The following FBLN2 variants were observed in gnomAD, a reference collection of about 807,000 sequenced individuals.
FBLN2 encodes the protein fibulin-2.
Under a neutral mutation model 123.7 loss-of-function variants are expected in FBLN2, and 81 were observed. The ratio of observed to expected loss-of-function variants is 0.65; its 90% confidence interval spans 0.55 to 0.79. FBLN2 has a LOEUF of 0.79. FBLN2 is among the 30% of genes least tolerant of loss of function. The probability of loss-of-function intolerance (pLI) is 0.00; values close to 1 mark genes in which losing one functional copy is unlikely to be tolerated. For synonymous variants in FBLN2, 699 were observed against 701.4 expected (o/e 1.00, Z 0.05); for missense variants, 1,603 against 1,681.3 (o/e 0.95, Z 0.81).
At chr3:13,555,855 G>A (rs9681242) in intron 1 of FBLN2, among the ~76,000 whole-genome samples, 125,914 of 152,234 alleles carry the variant, frequency 0.83, 52,316 homozygotes, top group East Asian at 1. Context: ...GGTTCAGAGG[G>A]ATTCGCGGGG....
At chr3:13,614,300 G>A (rs1213727680) in intron 5 of FBLN2, 136 bp downstream of exon 5, 11 of 878,414 alleles carry the variant, frequency 1.3e-5, no homozygotes, top group South Asian at 1.1e-4. Context: ...TCTGAGGATG[G>A]TGATTTCATT....
chr3:13,572,416 C>T (rs528967870), intron 2 of FBLN2, among the ~76,000 whole-genome samples: 6 of 152,316 alleles, frequency 3.9e-5, no homozygotes, highest in South Asian at 2.1e-4. Context: ...AACTGGGGCT[C>T]GAGGGTGGTG....
intron 2 of FBLN2, among the ~76,000 whole-genome samples, chr3:13,604,973 C>T (rs894196427): frequency 6.6e-6 from 1 of 152,206 alleles, no homozygotes; most frequent in Non-Finnish European, 1.5e-5. Context: ...CTGCTCAGGA[C>T]ATTTAGAGGG....
At chr3:13,583,369 T>C (rs1704398183) in intron 2 of FBLN2, among the ~76,000 whole-genome samples, 1 of 152,266 alleles carries the variant, frequency 6.6e-6, no homozygotes, top group Admixed American at 6.5e-5. Flanking sequence ...TTAAGTGAAT[T>C]GTCCATGGTT....
chr3:13,609,333 A>G (rs1705311044), intron 3 of FBLN2, among the ~76,000 whole-genome samples, 180 bp from the exon 4 acceptor site: 1 of 152,184 alleles, frequency 6.6e-6, no homozygotes, highest in Non-Finnish European at 1.5e-5. Flanking sequence ...CTGCATCTGC[A>G]TGGTTAAGCC....
chr3:13,559,842 T>C (rs1177003974), intron 1 of FBLN2, among the ~76,000 whole-genome samples: 1 of 152,180 alleles, frequency 6.6e-6, no homozygotes, highest in African/African-American at 2.4e-5. Flanking sequence ...AGGATCTCGG[T>C]CCAGGAGCAG....
In FBLN2 at chr3:13,637,565, G is replaced by A. The variant is rs1217712237; in HGVS notation, c.3342G>A (p.Lys1114=). ...ACCCGGCCTATCCTCCCTGCAGGAA[G>A]TGCGAGCGCACCACGTGCCATGACT... ...PPNYVQVSKT[K]CERTTCHDFL... is the part of the protein sequence containing the mutation. Residue 1114 remains lysine, a synonymous_variant, in exon 18 of 18, where the codon AAG becomes AAA. Transcript: ENST00000404922. 6.2e-7 allele frequency: 1 copy of A among 1,602,646 alleles called. No individual in the cohort carries two copies. Among genetic ancestry groups the A allele is most frequent in the Admixed American group, 1.7e-5 (1 of 59,450 alleles).
chr3:13,558,373 C>G (rs999051621), intron 1 of FBLN2, among the ~76,000 whole-genome samples: 2 of 151,972 alleles, frequency 1.3e-5, no homozygotes, highest in Non-Finnish European at 2.9e-5. Context: ...TGGCACCACT[C>G]CCCCCACCCC....
rs1012051872 is a variant in FBLN2 at position 13,629,955 on chromosome 3, C to T, written c.2968+10C>T. On this transcript the variant is annotated intron_variant, in intron 14 of 17. Transcript: ENST00000404922. ...GGCAAGCGCTGTGAAGGTAGGCTGG[C>T]CCTCATCTCTGACCCTATGCCGCCT... 2 of 1,609,836 alleles carry T rather than the reference C, an allele frequency of 1.2e-6. No homozygotes were observed. The highest frequency in any genetic ancestry group is 1.7e-6 in the Non-Finnish European group (2 of 1,178,924).
At chr3:13,599,168 G>T (rs1704943070) in intron 2 of FBLN2, among the ~76,000 whole-genome samples, 1 of 152,208 alleles carries the variant, frequency 6.6e-6, no homozygotes, top group African/African-American at 2.4e-5. Context: ...GATGTGGAAG[G>T]CCAGGGCATT....
Position 13,634,475 on chromosome 3 carries a change from C to T in FBLN2, c.3215-1970C>T, listed in dbSNP as rs3773251. On this transcript the variant is annotated intron_variant, in intron 16 of 17. Coordinates refer to ENST00000404922, the MANE Select transcript of FBLN2 (RefSeq NM_001004019.2). ...ATCTCCATCAGCAGCAGCCCAGAGC[C>T]AAAGCAAAAAGCTCCCACGTCCTTC... 7.2e-4 allele frequency among the ~76,000 whole-genome samples: 110 copies of T among 152,356 alleles called. 1 individual carries two copies. In the East Asian group the frequency reaches 0.017, roughly 24 times the overall value.
In FBLN2 at chr3:13,627,907, A is replaced by G; in HGVS notation, c.2507A>G (p.Tyr836Cys). The G allele has an allele frequency of 2.5e-6, 4 of 1,613,812 alleles. No individual in the cohort carries two copies. The highest frequency in any genetic ancestry group is 3.4e-6 in the Non-Finnish European group (4 of 1,179,840). The change falls in exon 11 of 18, where the codon TAC becomes TGC. Residue 836 changes from tyrosine to cysteine, a missense_variant. Coordinates refer to ENST00000404922, the MANE Select transcript of FBLN2 (RefSeq NM_001004019.2). ...FLCQNTKGSF[Y>C]CQARQRCMDG... ...TGCCAGAACACCAAGGGCTCCTTCT[A>G]CTGCCAGGCCAGGCAGCGCTGCATG...
At position 13,627,942 on chromosome 3, in the gene FBLN2, C is replaced by T. The variant is rs1199781065; in HGVS notation, c.2542C>T (p.Leu848=). 1 of 1,613,672 alleles carries T rather than the reference C, an allele frequency of 6.2e-7. No homozygotes were observed. The change falls in exon 11 of 18, where the codon CTG becomes TTG. Residue 848 remains leucine (L), a synonymous_variant. Transcript: ENST00000404922. ...QARQRCMDGF[L]QDPEGNCVDI... is the part of the protein sequence containing the mutation. ...CAGGCAGCGCTGCATGGATGGCTTC[C>T]TGCAGGATCCTGAAGGCAACTGTGT...
intron 1 of FBLN2, among the ~76,000 whole-genome samples, chr3:13,563,583 A>G (rs891870623): frequency 1.3e-5 from 2 of 152,024 alleles, no homozygotes; most frequent in African/African-American, 4.8e-5. Context: ...CTCTCCCCCG[A>G]CAGACCATGC....
At chr3:13,588,108 C>T (rs1011911649) in intron 2 of FBLN2, among the ~76,000 whole-genome samples, 2 of 152,232 alleles carry the variant, frequency 1.3e-5, no homozygotes, top group African/African-American at 4.8e-5. Context: ...AGGCCCTATA[C>T]AGGCGAACCA....
chr3:13,602,127 AT>A (rs1705052860), intron 2 of FBLN2, among the ~76,000 whole-genome samples: 4 of 152,152 alleles, frequency 2.6e-5, no homozygotes, highest in Non-Finnish European at 4.4e-5. Flanking sequence ...ATCTCTGTAA[AT>A]TTTATTCTAA....
intron 1 of FBLN2, among the ~76,000 whole-genome samples, chr3:13,550,624 G>A (rs1464602624): frequency 6.6e-6 from 1 of 152,198 alleles, no homozygotes; most frequent in Non-Finnish European, 1.5e-5. Flanking sequence ...ATTGGGAGCT[G>A]GTGTGTGTTT....
intron 2 of FBLN2, among the ~76,000 whole-genome samples, chr3:13,575,994 C>T (rs1431218693): frequency 6.6e-6 from 1 of 152,290 alleles, no homozygotes; most frequent in Non-Finnish European, 1.5e-5. Context: ...GAGCCGGGCA[C>T]CCAGGAGGTG....
chr3:13,568,706 C>T, intron 1 of FBLN2: 1 of 939,870 alleles, frequency 1.1e-6, no homozygotes, highest in South Asian at 4.9e-5. Flanking sequence ...ACACGGGCTC[C>T]CCTGACACTG....
Sources: allele counts gnomAD v4.1 joint callset (sites outside exome capture counted in the v4.1 genomes callset), GRCh38; gene constraint gnomAD v4.1.1; transcripts MANE v1.5; gene names NCBI Gene and HGNC (gene_info 2026-07-23, HGNC 2026-07-21).